The following IRS1 variants were observed in gnomAD, a reference collection of about 807,000 sequenced individuals.
The protein encoded by IRS1 is insulin receptor substrate 1.
A neutral mutation model predicts 65.6 loss-of-function variants in IRS1; 34 were observed. That is an observed-to-expected ratio of 0.52 (90% CI 0.39 to 0.69). IRS1 has a LOEUF of 0.69. IRS1 is among the 30% of genes least tolerant of loss of function. IRS1 has a pLI of 0.00. For missense variants in IRS1, 1,641 were observed against 1,720.2 expected (o/e 0.95, Z 0.81); for synonymous variants, 699 against 683.5 (o/e 1.02, Z -0.35).
At position 226,731,356 on chromosome 2, in the gene IRS1, A is replaced by G. The variant is rs1370730904; in HGVS notation, c.*4916T>C. On this transcript the variant is annotated 3_prime_UTR_variant, in exon 2 of 2. Transcript: ENST00000305123. The stretch of plus-strand genomic sequence containing the variant: ...TTAATTGGCAGTTTGTTTCATGTCC[A>G]GCAATCAAAGACATTAAGGACCACT... 6.6e-6 allele frequency: 1 copy of G among 152,246 alleles called. No homozygotes were observed. Among genetic ancestry groups the G allele is most frequent in the African/African-American group, 2.4e-5 (1 of 41,462 alleles). 9.4% of individuals were successfully genotyped at this position (152,246 alleles called of 1,614,324 possible).
At chr2:226,751,062 G>T in intron 1 of IRS1, among the ~76,000 whole-genome samples, 1 of 152,158 alleles carries the variant, frequency 6.6e-6, no homozygotes, top group Non-Finnish European at 1.5e-5. Context: ...AGCCATGTCT[G>T]CAGGGTGAAT....
At chr2:226,787,385 G>GA (rs1341046968) in intron 1 of IRS1, among the ~76,000 whole-genome samples, 2 of 152,208 alleles carry the variant, frequency 1.3e-5, no homozygotes, top group Middle Eastern at 3.4e-3. Flanking sequence ...TTAGGTTTAT[G>GA]AAAAATGCCA....
At chr2:226,769,282 G>A (rs1017134112) in intron 1 of IRS1, among the ~76,000 whole-genome samples, 7 of 152,158 alleles carry the variant, frequency 4.6e-5, no homozygotes, top group South Asian at 4.1e-4. Flanking sequence ...GACAACTAAG[G>A]CCATCAGCCT....
At chr2:226,786,655 A>C (rs1403264663) in intron 1 of IRS1, among the ~76,000 whole-genome samples, 12 of 151,164 alleles carry the variant, frequency 7.9e-5, no homozygotes, top group Non-Finnish European at 1.8e-4. Context: ...AAAAAAACAA[A>C]AACAACAACA....
At chr2:226,742,139 T>G (rs1938452089) in intron 1 of IRS1, among the ~76,000 whole-genome samples, 1 of 152,204 alleles carries the variant, frequency 6.6e-6, no homozygotes, top group African/African-American at 2.4e-5. Context: ...CTCTAAAGTC[T>G]GGGACATGGG....
rs148985963 is a variant in IRS1 at position 226,736,988 on chromosome 2, T to C, written c.*22-738A>G. 9.8e-4 allele frequency among the ~76,000 whole-genome samples: 149 copies of C among 152,106 alleles called. 1 individual carries two copies. Among genetic ancestry groups the C allele is most frequent in the African/African-American group, 3.3e-3 (137 of 41,482 alleles). Reference sequence around the variant, plus strand: ...TTAAGTTTTAGGGTACACATGCACATTGTGCAGGTTAGTTACATACGTATA... The same window carrying C: ...TTAAGTTTTAGGGTACACATGCACACTGTGCAGGTTAGTTACATACGTATA... On this transcript the variant is annotated intron_variant, in intron 1 of 1. Coordinates refer to ENST00000305123, the MANE Select transcript of IRS1 (RefSeq NM_005544.3).
In IRS1 at chr2:226,799,100, G is replaced by A. The variant is rs1939832915; in HGVS notation, c.-362C>T. 1 of 1,202,644 alleles carries A rather than the reference G, an allele frequency of 8.3e-7. No individual in the cohort carries two copies. Among genetic ancestry groups the A allele is most frequent in the South Asian group, 1.9e-5 (1 of 52,968 alleles). 74.5% of individuals were successfully genotyped at this position (1,202,644 alleles called of 1,614,324 possible). ...TCGCCCCGGCTGGAGTCCGGCACAG[G>A]GAGGCGACAGTCGGGGGTCCCTGCG... On this transcript the variant is annotated 5_prime_UTR_variant, in exon 1 of 2. Coordinates refer to ENST00000305123, the MANE Select transcript of IRS1 (RefSeq NM_005544.3). This position sits in a 1 kb window ranked among gnomAD's most constrained non-coding sequence, Gnocchi z 6.1.
Position 226,799,125 on chromosome 2 carries a change from G to T in IRS1, c.-387C>A, listed in dbSNP as rs1045592233. On this transcript the variant is annotated 5_prime_UTR_variant, in exon 1 of 2. Transcript: ENST00000305123. The surrounding 1 kb of genome is among the most constrained non-coding windows in gnomAD (Gnocchi z 6.1). ...GGAGGCGACAGTCGGGGGTCCCTGC[G>T]GTGCCCCTCCAGGAGCGCGCGCGCG... 12 of 1,165,958 alleles carry T rather than the reference G, an allele frequency of 1.0e-5. No individual in the cohort carries two copies. The highest frequency in any genetic ancestry group is 1.7e-5 in the African/African-American group (1 of 60,606). The allele number at this position is 1,165,958 out of a possible 1,614,324, so 72.2% of individuals were successfully genotyped here.
intron 1 of IRS1, among the ~76,000 whole-genome samples, chr2:226,790,520 T>C (rs1028628446): frequency 2.6e-5 from 4 of 152,184 alleles, no homozygotes; most frequent in Admixed American, 2.6e-4. Flanking sequence ...TATTAGCTGC[T>C]CAAACTTTTC....
At chr2:226,749,525 G>A (rs989826476) in intron 1 of IRS1, among the ~76,000 whole-genome samples, 19 of 152,090 alleles carry the variant, frequency 1.2e-4, no homozygotes, top group East Asian at 1.9e-4. Context: ...CCTCTCAAAC[G>A]CATAGTTAGA....
Position 226,797,090 on chromosome 2 carries a change from T to C in IRS1, c.1649A>G (p.Glu550Gly), listed in dbSNP as rs779491582. ...PSQSSVASIE[E>G]YTEMMPAYPP... ...GTAGGCAGGCATCATCTCTGTGTAC[T>C]CCTCAATGGAAGCCACTGAGGACTG... Residue 550 changes from glutamate (E) to glycine (G), a missense_variant, in exon 1 of 2, where the codon GAG (glutamate) becomes GGG (glycine). Glu to Gly is a moderately conservative substitution (Grantham distance 98). Around this residue, in one of 3 missense-constraint regions of IRS1, gnomAD observed 1,324 missense variants for 1,361.0 expected, o/e 0.97. Transcript: ENST00000305123. This position sits in a 1 kb window ranked among gnomAD's most constrained non-coding sequence, Gnocchi z 8.1. 2 of 1,613,454 alleles carry C rather than the reference T, an allele frequency of 1.2e-6. No homozygotes were observed. Among genetic ancestry groups the C allele is most frequent in the African/African-American group, 1.3e-5 (1 of 74,924 alleles).
chr2:226,748,093 C>T (rs1449195066), intron 1 of IRS1, among the ~76,000 whole-genome samples: 4 of 151,024 alleles, frequency 2.6e-5, no homozygotes, highest in African/African-American at 7.3e-5. Flanking sequence ...CCATTCATCA[C>T]GCTCATTGCC....
At chr2:226,751,642 CAG>C (rs1239891009) in intron 1 of IRS1, among the ~76,000 whole-genome samples, 1 of 152,026 alleles carries the variant, frequency 6.6e-6, no homozygotes, top group African/African-American at 2.4e-5. Flanking sequence ...GGCCCAGTGA[CAG>C]AGGCAGATGC....
At chr2:226,781,608 A>G (rs1939383303) in intron 1 of IRS1, among the ~76,000 whole-genome samples, 1 of 152,118 alleles carries the variant, frequency 6.6e-6, no homozygotes, top group Non-Finnish European at 1.5e-5. Flanking sequence ...AGACACAATA[A>G]CATTCCTCCA....
chr2:226,748,446 A>G (rs967989785), intron 1 of IRS1, among the ~76,000 whole-genome samples: 8 of 151,786 alleles, frequency 5.3e-5, no homozygotes, highest in Non-Finnish European at 1.5e-5. Context: ...AAAAAAAAAA[A>G]AAAACCAAAC....
chr2:226,759,529 T>C (rs1303785551), intron 1 of IRS1, among the ~76,000 whole-genome samples: 1 of 152,198 alleles, frequency 6.6e-6, no homozygotes, highest in Admixed American at 6.5e-5. Context: ...GCACTTCCTA[T>C]CATATAGTAA....
At chr2:226,771,432 G>A (rs1939162899) in intron 1 of IRS1, among the ~76,000 whole-genome samples, 1 of 152,170 alleles carries the variant, frequency 6.6e-6, no homozygotes, top group African/African-American at 2.4e-5. Context: ...GTAGGTTGGA[G>A]GAAGGGTGAA....
In IRS1 at chr2:226,733,502, C is replaced by T. The variant is rs1037262493; in HGVS notation, c.*2770G>A. 6.6e-6 allele frequency: 1 copy of T among 152,200 alleles called. No individual in the cohort carries two copies. Among genetic ancestry groups the T allele is most frequent in the Non-Finnish European group, 1.5e-5 (1 of 68,024 alleles). 9.4% of individuals were successfully genotyped at this position (152,200 alleles called of 1,614,324 possible). A position where few individuals can be genotyped will look rare whatever the true frequency, so the allele number is the denominator to read the frequency against. On this transcript the variant is annotated 3_prime_UTR_variant, in exon 2 of 2. Coordinates refer to ENST00000305123, the MANE Select transcript of IRS1 (RefSeq NM_005544.3). ...TGAAGATATCATCAAAGTCATAAAA[C>T]ATATTTGTTCTTTTCGCAAAAGAGG... is the stretch of plus-strand genomic sequence containing the variant.
At chr2:226,770,054 A>G (rs1243894880) in intron 1 of IRS1, among the ~76,000 whole-genome samples, 1 of 152,230 alleles carries the variant, frequency 6.6e-6, no homozygotes, top group African/African-American at 2.4e-5. Flanking sequence ...TCATGAATGC[A>G]TTTTGAAAAC....
Sources: allele counts gnomAD v4.1 joint callset (sites outside exome capture counted in the v4.1 genomes callset), GRCh38; gene constraint gnomAD v4.1.1; regional missense constraint gnomAD v4.1.1; non-coding constraint Gnocchi (gnomAD v3.1); transcripts MANE v1.5; gene names NCBI Gene and HGNC (gene_info 2026-07-23, HGNC 2026-07-21).